Variants in AGPS observed in about 807,000 individuals in gnomAD.
The protein encoded by AGPS is alkylglycerone phosphate synthase.
In AGPS, 26 loss-of-function variants were observed where a neutral mutation model predicts 90.7. That is an observed-to-expected ratio of 0.29 (90% CI 0.21 to 0.40). The LOEUF (loss-of-function observed/expected upper bound fraction) is 0.40, where lower values mean the gene tolerates loss of function less well. Among genes scored for constraint, AGPS ranks in the 10% least tolerant of loss-of-function variants. The probability of loss-of-function intolerance (pLI) is 1.00; values close to 1 mark genes in which losing one functional copy is unlikely to be tolerated. For missense variants in AGPS, 540 were observed against 816.1 expected, an observed-to-expected ratio of 0.66 and a Z score of 4.12; for synonymous variants, 294 against 285.3, an observed-to-expected ratio of 1.03 and a Z score of -0.31.
At chr2:177,435,164 C>A (rs976034972) in intron 3 of AGPS, among the ~76,000 whole-genome samples, 1 of 151,616 alleles carries the variant, frequency 6.6e-6, no homozygotes, top group Admixed American at 6.6e-5. Context: ...GTCTCTCTAA[C>A]TGGATATAAG....
At chr2:177,415,154 A>C (rs1263831928) in intron 1 of AGPS, among the ~76,000 whole-genome samples, 1 of 151,914 alleles carries the variant, frequency 6.6e-6, no homozygotes, top group Non-Finnish European at 1.5e-5. Flanking sequence ...ACTGCTTTTG[A>C]TTGCTGCATT....
intron 8 of AGPS, among the ~76,000 whole-genome samples, chr2:177,454,024 G>C (rs1483005818): frequency 2.2e-5 from 2 of 93,016 alleles, no homozygotes; most frequent in African/African-American, 6.0e-5. Context: ...GTTATCACTG[G>C]TTTGAGCAAT....
chr2:177,441,762 G>A (rs1268653686), intron 6 of AGPS, among the ~76,000 whole-genome samples: 1 of 152,238 alleles, frequency 6.6e-6, no homozygotes, highest in East Asian at 1.9e-4. Context: ...AGAGAACATT[G>A]TTTTGTTCTT....
At chr2:177,439,436 T>A (rs2105634748) in intron 5 of AGPS, among the ~76,000 whole-genome samples, 1 of 152,274 alleles carries the variant, frequency 6.6e-6, no homozygotes. Flanking sequence ...GAAGATAATT[T>A]TGCCTTGTTG....
chr2:177,489,087 CTTT>C (rs373471623), intron 11 of AGPS, among the ~76,000 whole-genome samples: 4 of 139,946 alleles, frequency 2.9e-5, no homozygotes, highest in Admixed American at 7.2e-5. Context: ...TTTGATGTTT[CTTT>C]TTTTTTTTTT....
intron 17 of AGPS, among the ~76,000 whole-genome samples, chr2:177,516,361 A>G (rs1574026662): frequency 6.6e-6 from 1 of 152,144 alleles, no homozygotes; most frequent in South Asian, 2.1e-4. Flanking sequence ...CAAATAAAGT[A>G]CTCCAAAAAG....
intron 10 of AGPS, among the ~76,000 whole-genome samples, chr2:177,471,925 A>G (rs1293387510): frequency 6.6e-6 from 1 of 152,022 alleles, no homozygotes; most frequent in Non-Finnish European, 1.5e-5. Flanking sequence ...TTAGTAGGCT[A>G]ATTTTCTCTT....
intron 7 of AGPS, among the ~76,000 whole-genome samples, chr2:177,442,706 G>A (rs906767932): frequency 2.0e-5 from 3 of 151,756 alleles, no homozygotes; most frequent in Non-Finnish European, 4.4e-5. Context: ...AATTAACCGA[G>A]TGTGGTGGTG....
chr2:177,439,800 T>C (rs994846305), intron 5 of AGPS, among the ~76,000 whole-genome samples: 1 of 152,180 alleles, frequency 6.6e-6, no homozygotes, highest in Non-Finnish European at 1.5e-5. Flanking sequence ...TCTCTTATTA[T>C]ATCAGGAGAT....
chr2:177,531,447 G>C (rs149280261), intron 19 of AGPS, among the ~76,000 whole-genome samples: 1 of 151,976 alleles, frequency 6.6e-6, no homozygotes, highest in African/African-American at 2.4e-5. Flanking sequence ...AATATATACC[G>C]AATTTGTATT....
intron 11 of AGPS, among the ~76,000 whole-genome samples, chr2:177,491,329 G>A (rs542600566): frequency 6.6e-6 from 1 of 151,416 alleles, no homozygotes; most frequent in South Asian, 2.1e-4. Flanking sequence ...GAGTGCAGTG[G>A]TTCACTGCAA....
chr2:177,476,488 A>T (rs1194700675), intron 10 of AGPS, among the ~76,000 whole-genome samples: 1 of 151,858 alleles, frequency 6.6e-6, no homozygotes, highest in African/African-American at 2.4e-5. Context: ...TTTCTTTCTT[A>T]TCAGTTTCTT....
At chr2:177,478,844 A>G (rs902564042) in intron 10 of AGPS, among the ~76,000 whole-genome samples, 1 of 151,560 alleles carries the variant, frequency 6.6e-6, no homozygotes, top group East Asian at 1.9e-4. Flanking sequence ...GGTCCTCCCC[A>G]TTGTCTCCCA....
chr2:177,522,551 G>A (rs1689228643), intron 18 of AGPS, among the ~76,000 whole-genome samples: 1 of 152,092 alleles, frequency 6.6e-6, no homozygotes, highest in Admixed American at 6.5e-5. Context: ...CCGGGTTCAA[G>A]CGATTCTCCT....
At chr2:177,429,788 G>T (rs1012147195) in intron 2 of AGPS, among the ~76,000 whole-genome samples, 1 of 152,234 alleles carries the variant, frequency 6.6e-6, no homozygotes, top group African/African-American at 2.4e-5. Flanking sequence ...ACACAGTCAG[G>T]AGGAACAGGA....
chr2:177,457,002 A>G (rs897774687), intron 8 of AGPS, among the ~76,000 whole-genome samples: 1 of 152,238 alleles, frequency 6.6e-6, no homozygotes, highest in Admixed American at 6.5e-5. Context: ...CTCTCAGACC[A>G]CAGTGCAATC....
At chr2:177,443,997 G>T (rs1175907984) in intron 7 of AGPS, among the ~76,000 whole-genome samples, 1 of 151,566 alleles carries the variant, frequency 6.6e-6, no homozygotes, top group South Asian at 2.1e-4. Context: ...TCTGTTGGGG[G>T]AGAAGATATA....
At chr2:177,504,461 A>G (rs954420176) in intron 14 of AGPS, among the ~76,000 whole-genome samples, 1 of 152,002 alleles carries the variant, frequency 6.6e-6, no homozygotes, top group African/African-American at 2.4e-5. Context: ...TTTTTTTATT[A>G]TACCCCATTC....
intron 12 of AGPS, among the ~76,000 whole-genome samples, chr2:177,495,645 C>A (rs1042271947): frequency 4.0e-4 from 61 of 151,904 alleles, no homozygotes; most frequent in Non-Finnish European, 8.2e-4. Context: ...CAGTGCCTCA[C>A]GCCTGTAATC....
Sources: gnomAD v4.1 joint callset for allele counts (sites outside exome capture counted in the v4.1 genomes callset) on GRCh38, gnomAD v4.1.1 for gene constraint, MANE v1.5 for transcripts, NCBI Gene and HGNC (gene_info 2026-07-23, HGNC 2026-07-21) for gene names.